ZNF565: variants seen among roughly 807,000 people sequenced by gnomAD.
ZNF565 encodes zinc finger protein 565.
A neutral mutation model predicts 39.4 loss-of-function variants in ZNF565; 27 were observed. The observed-to-expected ratio is 0.69, with a 90% CI of 0.51 to 0.95. ZNF565 has a LOEUF of 0.95. Ranked by LOEUF, ZNF565 falls within the 40% of genes least tolerant of loss-of-function variation. The probability of loss-of-function intolerance (pLI) is 0.00; values close to 1 mark genes in which losing one functional copy is unlikely to be tolerated. For synonymous variants in ZNF565, 185 were observed against 216.6 expected (o/e 0.85, Z 1.28); for missense variants, 524 against 621.1 (o/e 0.84, Z 1.66).
At chr19:36,189,487 T>A (rs1357717288) in intron 4 of ZNF565, among the ~76,000 whole-genome samples, 1 of 151,112 alleles carries the variant, frequency 6.6e-6, no homozygotes, top group Non-Finnish European at 1.5e-5. Flanking sequence ...GCTAATTTTT[T>A]TTTTTTGTAC....
Position 36,194,997 on chromosome 19 carries a change from T to G in ZNF565, c.136+33A>C, listed in dbSNP as rs200605604. Reference sequence around the variant, plus strand: ...TGGTTGTAGTCCCTGTTGCCTTGCTTTCCGTCTGGCCCGTGTGATACAATC... The same window carrying G: ...TGGTTGTAGTCCCTGTTGCCTTGCTGTCCGTCTGGCCCGTGTGATACAATC... On this transcript the variant is annotated intron_variant, in intron 3 of 4. Coordinates refer to ENST00000304116, the MANE Select transcript of ZNF565 (RefSeq NM_152477.5). The G allele has an allele frequency of 1.1e-4, 170 of 1,614,088 alleles. 2 individuals carry two copies. In the African/African-American group the frequency reaches 2.0e-3, roughly 19 times the overall value.
intron 1 of ZNF565, among the ~76,000 whole-genome samples, chr19:36,231,317 C>G (rs1017376944): frequency 6.6e-6 from 1 of 152,158 alleles, no homozygotes; most frequent in Non-Finnish European, 1.5e-5. Flanking sequence ...TCAAGTGATT[C>G]TCCTGCCTCA....
chr19:36,233,975 T>G (rs973573548), intron 1 of ZNF565, among the ~76,000 whole-genome samples: 1 of 152,094 alleles, frequency 6.6e-6, no homozygotes, highest in South Asian at 2.1e-4. Flanking sequence ...TTTCAGACTA[T>G]CACATGGGGA....
At chr19:36,187,131 G>T (rs893735255) in intron 4 of ZNF565, among the ~76,000 whole-genome samples, 2 of 151,784 alleles carry the variant, frequency 1.3e-5, no homozygotes, top group Non-Finnish European at 1.5e-5. Flanking sequence ...CGGAGGTTGC[G>T]GTGAGCCAAT....
chr19:36,206,682 A>G (rs1976168159), intron 1 of ZNF565, among the ~76,000 whole-genome samples: 1 of 152,032 alleles, frequency 6.6e-6, no homozygotes, highest in Non-Finnish European at 1.5e-5. Context: ...AATACAAAAA[A>G]TTAGCTGGGT....
chr19:36,209,684 A>G (rs1976282979), intron 1 of ZNF565, among the ~76,000 whole-genome samples: 1 of 152,182 alleles, frequency 6.6e-6, no homozygotes, highest in South Asian at 2.1e-4. Context: ...CCAAAATAAA[A>G]TACAAACAGT....
At chr19:36,207,926 C>G (rs2145358406) in intron 1 of ZNF565, among the ~76,000 whole-genome samples, 1 of 152,252 alleles carries the variant, frequency 6.6e-6, no homozygotes, top group Admixed American at 6.5e-5. Flanking sequence ...TGTACATGAG[C>G]AGAAATAAAA....
intron 4 of ZNF565, among the ~76,000 whole-genome samples, chr19:36,185,973 C>T (rs925058314): frequency 6.6e-5 from 10 of 151,608 alleles, no homozygotes; most frequent in South Asian, 4.2e-4. Context: ...GGATTACGGG[C>T]GTTTGCCACT....
chr19:36,242,582 A>T (rs1977819099), intron 1 of ZNF565, among the ~76,000 whole-genome samples: 1 of 151,872 alleles, frequency 6.6e-6, no homozygotes, highest in South Asian at 2.1e-4. Flanking sequence ...AAAAATTACC[A>T]GGCATGGTGG....
chr19:36,237,170 G>C, intron 1 of ZNF565: 1 of 1,614,170 alleles, frequency 6.2e-7, no homozygotes, highest in Non-Finnish European at 8.5e-7. Flanking sequence ...TGGTTGTAAT[G>C]AATGTGGGAA....
intron 1 of ZNF565, among the ~76,000 whole-genome samples, chr19:36,211,191 C>G (rs1976341852): frequency 6.6e-6 from 1 of 151,926 alleles, no homozygotes; most frequent in Non-Finnish European, 1.5e-5. Context: ...GCCTATAATC[C>G]CAGCATTTTG....
At chr19:36,224,153 G>A (rs1439802039) in intron 1 of ZNF565, among the ~76,000 whole-genome samples, 1 of 152,174 alleles carries the variant, frequency 6.6e-6, no homozygotes, top group Non-Finnish European at 1.5e-5. Flanking sequence ...AGGCCAAGGT[G>A]GGTGGATCAC....
intron 1 of ZNF565, among the ~76,000 whole-genome samples, chr19:36,226,348 A>C (rs1451284567): frequency 6.6e-6 from 1 of 152,108 alleles, no homozygotes; most frequent in Non-Finnish European, 1.5e-5. Context: ...TCTCTGACAC[A>C]CCCCATTAGG....
chr19:36,207,318 C>T (rs1976190884), intron 1 of ZNF565, among the ~76,000 whole-genome samples: 1 of 152,014 alleles, frequency 6.6e-6, no homozygotes, highest in African/African-American at 2.4e-5. Flanking sequence ...TCAAGGTGGG[C>T]GGATCACCTG....
At chr19:36,233,933 CGGT>C in intron 1 of ZNF565, among the ~76,000 whole-genome samples, 1 of 152,230 alleles carries the variant, frequency 6.6e-6, no homozygotes, top group African/African-American at 2.4e-5. Flanking sequence ...GACTGGGGGA[CGGT>C]CAGGTCTTTC....
At chr19:36,195,800 T>C (rs959332049) in intron 2 of ZNF565, among the ~76,000 whole-genome samples, 106 of 150,108 alleles carry the variant, frequency 7.1e-4, no homozygotes, top group African/African-American at 2.6e-3. Flanking sequence ...CGCCTCAGCC[T>C]CCCAAAGTGC....
chr19:36,224,909 T>C lies in ZNF565; in HGVS notation c.55+20567A>G, dbSNP rs28402142. Among the ~76,000 whole-genome samples the C allele has an allele frequency of 5.6e-3, 857 of 152,336 alleles. 7 individuals carry two copies. Among genetic ancestry groups the C allele is most frequent in the African/African-American group, 0.019 (804 of 41,568 alleles). ...CTGGATGTTTTGTTTTATGTTGCTA[T>C]GAATGGAGTCATTGTTGGCATATAT... is the stretch of plus-strand genomic sequence containing the variant. On this transcript the variant is annotated intron_variant, in intron 1 of 4. Transcript: ENST00000355114.
chr19:36,229,388 G>A (rs964644981), intron 1 of ZNF565, among the ~76,000 whole-genome samples: 1 of 152,080 alleles, frequency 6.6e-6, no homozygotes, highest in African/African-American at 2.4e-5. Flanking sequence ...TTTATGTGTG[G>A]GGGTCTATAT....
chr19:36,240,810 C>T (rs1977786088), intron 1 of ZNF565, among the ~76,000 whole-genome samples: 1 of 151,214 alleles, frequency 6.6e-6, no homozygotes, highest in Non-Finnish European at 1.5e-5. Flanking sequence ...CAGAGGTTTG[C>T]AGTGAGCCAG....
Sources: allele counts gnomAD v4.1 joint callset (sites outside exome capture counted in the v4.1 genomes callset), GRCh38; gene constraint gnomAD v4.1.1; transcripts MANE v1.5; gene names NCBI Gene and HGNC (gene_info 2026-07-23, HGNC 2026-07-21).